Variants in ARHGEF38 observed in about 807,000 individuals in gnomAD.
The protein encoded by ARHGEF38 is Rho guanine nucleotide exchange factor 38, also known as Rho guanine nucleotide exchange factor (GEF) 38.
A neutral mutation model predicts 79.9 loss-of-function variants in ARHGEF38; 79 were observed. The observed-to-expected ratio is 0.99, with a 90% CI of 0.82 to 1.19. The LOEUF is 1.19. Ranked by LOEUF, ARHGEF38 falls within the 50% of genes most tolerant of loss-of-function variation. The pLI is 0.00. For missense variants in ARHGEF38, 962 were observed against 907.2 expected, an observed-to-expected ratio of 1.06 and a Z score of -0.78; for synonymous variants, 366 against 328.3, an observed-to-expected ratio of 1.11 and a Z score of -1.24.
intron 3 of ARHGEF38, among the ~76,000 whole-genome samples, chr4:105,626,790 A>G (rs1220062725): frequency 6.6e-6 from 1 of 151,692 alleles, no homozygotes; most frequent in Admixed American, 6.6e-5. Context: ...TGAAAGTTTC[A>G]CCTCCTTAAT....
rs1731250551 is a variant in ARHGEF38, at chr4:105,679,848, T to C, written c.*1911T>C. ...GACTCAATATCCTGAGGAGGAGAAC[T>C]TTGAATCACCAGGTCAACTACAGGA... On this transcript the variant is annotated 3_prime_UTR_variant, in exon 14 of 14. Coordinates refer to ENST00000420470, the MANE Select transcript of ARHGEF38 (RefSeq NM_001242729.2). 1 of 1,413,590 alleles carries C rather than the reference T, an allele frequency of 7.1e-7. No individual in the cohort carries two copies. Among genetic ancestry groups the C allele is most frequent in the East Asian group, 2.3e-5 (1 of 43,742 alleles). 87.6% of individuals were successfully genotyped at this position (1,413,590 alleles called of 1,614,324 possible).
At chr4:105,657,597 A>G (rs1982346) in intron 9 of ARHGEF38, among the ~76,000 whole-genome samples, 10,012 of 152,064 alleles carry the variant, frequency 0.066, 340 homozygotes, top group Middle Eastern at 0.11. Flanking sequence ...CACTGGATAT[A>G]TATATATATA....
chr4:105,590,110 G>GGAAA (rs1727260705), intron 2 of ARHGEF38, among the ~76,000 whole-genome samples: 1 of 136,338 alleles, frequency 7.3e-6, no homozygotes, highest in African/African-American at 3.1e-5. Flanking sequence ...AAGGAAGGAA[G>GGAAA]GAAGGAAGGA....
chr4:105,620,152 G>A lies in ARHGEF38; in HGVS notation c.508+6645G>A, dbSNP rs191924711. On this transcript the variant is annotated intron_variant, in intron 3 of 13. Transcript: ENST00000420470. ...GATACAAAGTGGATTTTAAAATCTT[G>A]ACTTAAGCACAGTGTCTAGATAGGA... Among the ~76,000 whole-genome samples the A allele has an allele frequency of 4.4e-3, 667 of 152,326 alleles. 9 individuals carry two copies. Among genetic ancestry groups the A allele is most frequent in the African/African-American group, 0.015 (625 of 41,580 alleles).
At chr4:105,663,061 T>C (rs1308194204) in intron 10 of ARHGEF38, among the ~76,000 whole-genome samples, 2 of 152,144 alleles carry the variant, frequency 1.3e-5, no homozygotes, top group Non-Finnish European at 2.9e-5. Context: ...ACTTAGAGAT[T>C]CATATGCAGT....
intron 2 of ARHGEF38, among the ~76,000 whole-genome samples, chr4:105,608,407 TTTATTTTTATTTAC>T (rs748568040): frequency 5.9e-5 from 9 of 151,844 alleles, no homozygotes; most frequent in Non-Finnish European, 1.0e-4. Context: ...TGTAATTTAA[TTTATTTTTATTTAC>T]TTATTTTTAA....
At chr4:105,630,790 G>C in intron 3 of ARHGEF38, 108 bp from the exon 4 acceptor site, 1 of 944,994 alleles carries the variant, frequency 1.1e-6, no homozygotes, top group Non-Finnish European at 1.5e-6. Context: ...TGGGGATAAA[G>C]TAGATCCCAT....
At chr4:105,590,553 T>G (rs1002165388) in intron 2 of ARHGEF38, among the ~76,000 whole-genome samples, 2 of 152,210 alleles carry the variant, frequency 1.3e-5, no homozygotes, top group Non-Finnish European at 2.9e-5. Flanking sequence ...CATCCATAAA[T>G]CTGTTACATG....
chr4:105,580,867 G>T (rs528252891), intron 1 of ARHGEF38, among the ~76,000 whole-genome samples: 1 of 151,976 alleles, frequency 6.6e-6, no homozygotes, highest in East Asian at 1.9e-4. Context: ...TAGAGGCGGG[G>T]TTTCACCATG....
chr4:105,664,380 A>T (rs981395549), intron 10 of ARHGEF38, among the ~76,000 whole-genome samples: 1 of 152,148 alleles, frequency 6.6e-6, no homozygotes, highest in Non-Finnish European at 1.5e-5. Context: ...CTTGGTATTT[A>T]CCTTCATATT....
At chr4:105,591,420 G>A (rs1258092884) in intron 2 of ARHGEF38, among the ~76,000 whole-genome samples, 3 of 152,070 alleles carry the variant, frequency 2.0e-5, no homozygotes, top group Non-Finnish European at 4.4e-5. Flanking sequence ...TAGTAGAGAC[G>A]GGGTTTCACA....
At chr4:105,578,295 A>G (rs1726601608) in intron 1 of ARHGEF38, among the ~76,000 whole-genome samples, 1 of 152,160 alleles carries the variant, frequency 6.6e-6, no homozygotes, top group East Asian at 1.9e-4. Flanking sequence ...GATAGTTGAT[A>G]TTATTTTGAC....
At chr4:105,556,136 T>C (rs1578247106) in intron 1 of ARHGEF38, among the ~76,000 whole-genome samples, 1 of 152,200 alleles carries the variant, frequency 6.6e-6, no homozygotes, top group Admixed American at 6.6e-5. Flanking sequence ...CCTTGTTCTT[T>C]GAAATTAATT....
At chr4:105,631,112 A>T in intron 4 of ARHGEF38, 67 bp downstream of exon 4, 1 of 1,520,544 alleles carries the variant, frequency 6.6e-7, no homozygotes, top group Non-Finnish European at 8.8e-7. Context: ...TTTTAAATGG[A>T]TGTAGATGAA....
intron 7 of ARHGEF38, among the ~76,000 whole-genome samples, chr4:105,651,572 G>A (rs945541276): frequency 2.6e-5 from 4 of 152,098 alleles, no homozygotes; most frequent in South Asian, 2.1e-4. Context: ...ATTAACTAGG[G>A]TAAAGACAAC....
intron 2 of ARHGEF38, among the ~76,000 whole-genome samples, chr4:105,600,988 A>G (rs1431178502): frequency 6.6e-6 from 1 of 152,140 alleles, no homozygotes; most frequent in East Asian, 1.9e-4. Flanking sequence ...CTGGATTTTT[A>G]CAACTGTCTT....
At chr4:105,654,231 C>A in intron 8 of ARHGEF38, 62 bp downstream of exon 8, 1 of 1,001,492 alleles carries the variant, frequency 1.0e-6, no homozygotes, top group Non-Finnish European at 1.4e-6. Flanking sequence ...CCATTGATTT[C>A]CATGGTTGTT....
chr4:105,607,000 G>A (rs1193043995), intron 2 of ARHGEF38, among the ~76,000 whole-genome samples: 2 of 151,984 alleles, frequency 1.3e-5, no homozygotes, highest in African/African-American at 2.4e-5. Flanking sequence ...AACAATGTTT[G>A]TTCCTAGACT....
At chr4:105,581,355 T>C (rs991682230) in intron 1 of ARHGEF38, among the ~76,000 whole-genome samples, 2 of 152,124 alleles carry the variant, frequency 1.3e-5, no homozygotes, top group Admixed American at 6.5e-5. Flanking sequence ...CTCCCAGCTT[T>C]GAGCACTTCA....
Sources: gnomAD v4.1 joint callset for allele counts (sites outside exome capture counted in the v4.1 genomes callset) on GRCh38, gnomAD v4.1.1 for gene constraint, MANE v1.5 for transcripts, NCBI Gene and HGNC (gene_info 2026-07-23, HGNC 2026-07-21) for gene names.